The following SNX18 variants were observed in gnomAD, a reference collection of about 807,000 sequenced individuals.
SNX18 encodes sorting nexin-18.
A neutral mutation model predicts 48.7 loss-of-function variants in SNX18; 35 were observed. The ratio of observed to expected loss-of-function variants is 0.72; its 90% CI spans 0.55 to 0.95. SNX18 has a LOEUF of 0.95. SNX18 is among the 40% of genes least tolerant of loss of function. The pLI, the probability that SNX18 is intolerant of heterozygous loss-of-function variation, is 0.00. For synonymous variants in SNX18, 492 were observed against 384.7 expected (o/e 1.28, Z -3.26); for missense variants, 824 against 871.0 (o/e 0.95, Z 0.68).
chr5:54,546,888 G>A (rs531315518), downstream of SNX18, among the ~76,000 whole-genome samples: 1 of 152,312 alleles, frequency 6.6e-6, no homozygotes, highest in South Asian at 2.1e-4. Flanking sequence ...ACAGAAGCAG[G>A]TGCTTAAGTA....
chr5:54,520,550 C>T (rs1409952469), intron 1 of SNX18: 1 of 55,732 alleles, frequency 1.8e-5, no homozygotes, highest in Non-Finnish European at 4.8e-5. Flanking sequence ...ACCTACTGTC[C>T]CTGTTTCCTC....
At chr5:54,524,991 C>G (rs1005011767) in intron 1 of SNX18, among the ~76,000 whole-genome samples, 2 of 152,246 alleles carry the variant, frequency 1.3e-5, no homozygotes, top group Admixed American at 1.3e-4. Flanking sequence ...GAAGGGGCAG[C>G]ATGCCAAGCC....
At chr5:54,630,829 CAAA>C in the SNX18 span, among the ~76,000 whole-genome samples, 30 of 94,492 alleles carry the variant, frequency 3.2e-4, no homozygotes, top group Admixed American at 4.8e-4. Context: ...AAGACTCAGT[CAAA>C]AAAAAAAAAA....
At chr5:54,605,915 C>A in the SNX18 span, among the ~76,000 whole-genome samples, 12 of 152,346 alleles carry the variant, frequency 7.9e-5, no homozygotes, top group South Asian at 2.3e-3. Context: ...TCTCCTGCCT[C>A]TGCCTCCCAA....
At chr5:54,627,890 G>C in the SNX18 span, among the ~76,000 whole-genome samples, 1 of 152,186 alleles carries the variant, frequency 6.6e-6, no homozygotes, top group Non-Finnish European at 1.5e-5. Context: ...TGGCTATTTG[G>C]CAAAGACTTT....
the SNX18 span, among the ~76,000 whole-genome samples, chr5:54,576,296 G>A: frequency 6.6e-6 from 1 of 152,186 alleles, no homozygotes. Context: ...ATGCCACTAA[G>A]TTTTGGGTGA....
At chr5:54,635,528 T>A in the SNX18 span, among the ~76,000 whole-genome samples, 1 of 152,166 alleles carries the variant, frequency 6.6e-6, no homozygotes, top group Non-Finnish European at 1.5e-5. Context: ...CTTCTTGCTG[T>A]TTGCCTTGTT....
intron 1 of SNX18, among the ~76,000 whole-genome samples, chr5:54,529,134 G>C (rs1762202917): frequency 6.6e-6 from 1 of 152,060 alleles, no homozygotes; most frequent in African/African-American, 2.4e-5. Context: ...GTGAAATGGA[G>C]AGTAATTCAG....
At chr5:54,620,526 G>A in the SNX18 span, among the ~76,000 whole-genome samples, 12,926 of 152,234 alleles carry the variant, frequency 0.085, 570 homozygotes, top group East Asian at 0.17. Context: ...GGAGCCCATT[G>A]ATGTAGCCCA....
chr5:54,630,748 C>T, the SNX18 span, among the ~76,000 whole-genome samples: 4 of 151,016 alleles, frequency 2.6e-5, no homozygotes, highest in South Asian at 4.2e-4. Context: ...GCAGGAGAAC[C>T]GCTTGAATCC....
the SNX18 span, among the ~76,000 whole-genome samples, chr5:54,600,028 C>T: frequency 4.0e-5 from 6 of 151,784 alleles, no homozygotes; most frequent in Non-Finnish European, 8.8e-5. Context: ...GTAAAAGAAA[C>T]TCAGAGTGAA....
chr5:54,592,342 C>T, the SNX18 span, among the ~76,000 whole-genome samples: 3 of 152,120 alleles, frequency 2.0e-5, no homozygotes, highest in Non-Finnish European at 4.4e-5. Context: ...TACAGAGGTG[C>T]CAGGAATTCT....
chr5:54,580,859 A>G, the SNX18 span, among the ~76,000 whole-genome samples: 1 of 152,240 alleles, frequency 6.6e-6, no homozygotes, highest in African/African-American at 2.4e-5. Context: ...TACATGTCAT[A>G]GTAGTAGACA....
chr5:54,517,984 T>G lies in SNX18; in HGVS notation c.32T>G (p.Phe11Cys), dbSNP rs761895660. The G allele has an allele frequency of 6.5e-7, 1 of 1,538,008 alleles. No homozygotes were observed. Among genetic ancestry groups the G allele is most frequent in the African/African-American group, 1.4e-5 (1 of 70,510 alleles). The change falls in exon 1 of 2, where the codon TTC becomes TGC. Residue 11 changes from phenylalanine to cysteine, a missense_variant. By Grantham distance (205) the Phe-to-Cys change is radical (BLOSUM62 -2). This residue lies in a region of SNX18 where 377 missense variants were observed against 350.6 expected (regional missense o/e 1.08). Coordinates refer to ENST00000381410, the MANE Select transcript of SNX18 (RefSeq NM_001102575.2). ...CTGCGCGCCCGGGCGCTGTACGACT[T>G]CAGGTCGGAGAACCCAGGAGAGATC... Reference protein sequence around the residue: MALRARALYDFRSENPGEISL... With the variant: MALRARALYDCRSENPGEISL...
At chr5:54,609,179 GA>G in the SNX18 span, among the ~76,000 whole-genome samples, 1 of 152,190 alleles carries the variant, frequency 6.6e-6, no homozygotes, top group African/African-American at 2.4e-5. Context: ...CTAGACATAT[GA>G]GGCTATAGAG....
At chr5:54,528,780 G>A (rs897004726) in intron 1 of SNX18, among the ~76,000 whole-genome samples, 9 of 152,168 alleles carry the variant, frequency 5.9e-5, no homozygotes, top group African/African-American at 1.7e-4. Context: ...TCTAAGAAGA[G>A]TTTTGAAAAC....
Position 54,519,504 on chromosome 5 carries a change from G to A in SNX18, c.1552G>A (p.Val518Ile), listed in dbSNP as rs1048379768. ...GCAGCCCAGGCAGGACCTGGATCCCGTCATGGACCTATTAGCGCTGTATCA... is the reference window on the plus strand; with the variant it reads ...GCAGCCCAGGCAGGACCTGGATCCCATCATGGACCTATTAGCGCTGTATCA... ...AEQPRQDLDPVMDLLALYQGH... is the reference protein window; with the variant it reads ...AEQPRQDLDPIMDLLALYQGH... The change falls in exon 1 of 2, where the codon GTC becomes ATC. Residue 518 changes from valine (V) to isoleucine (I), a missense_variant. By Grantham distance (29) the Val-to-Ile change is conservative. This residue lies in a region of SNX18 where 443 missense variants were observed against 503.6 expected (regional missense o/e 0.88). Coordinates refer to ENST00000381410, the MANE Select transcript of SNX18 (RefSeq NM_001102575.2). The A allele has an allele frequency of 1.5e-5, 24 of 1,614,100 alleles. No homozygotes were observed. The highest frequency in any genetic ancestry group is 2.0e-5 in the Non-Finnish European group (24 of 1,180,050).
the SNX18 span, among the ~76,000 whole-genome samples, chr5:54,605,355 T>C: frequency 6.6e-6 from 1 of 151,226 alleles, no homozygotes; most frequent in Non-Finnish European, 1.5e-5. Context: ...GAGTTAGGGG[T>C]TTAGACTTTT....
chr5:54,519,713 C>A (rs1286774170), intron 1 of SNX18, 140 bp downstream of exon 1: 1 of 1,614,080 alleles, frequency 6.2e-7, no homozygotes, highest in East Asian at 2.2e-5. Flanking sequence ...ACGCCTGGGT[C>A]TTTTCCCTAG....
Sources: gnomAD v4.1 joint callset for allele counts (sites outside exome capture counted in the v4.1 genomes callset) on GRCh38, gnomAD v4.1.1 for gene constraint, gnomAD v4.1.1 regional missense constraint, MANE v1.5 for transcripts, NCBI Gene and HGNC (gene_info 2026-07-23, HGNC 2026-07-21) for gene names.